The following ZDHHC11B variants were observed in gnomAD, a reference collection of about 807,000 sequenced individuals.
ZDHHC11B encodes the protein zDHHC palmitoyltransferase 11B (putative), also known as probable palmitoyltransferase ZDHHC11B.
A neutral mutation model predicts 42.3 loss-of-function variants in ZDHHC11B; 17 were observed. The ratio of observed to expected loss-of-function variants is 0.40; its 90% CI spans 0.27 to 0.60. The LOEUF (loss-of-function observed/expected upper bound fraction) is 0.60. Ranked by LOEUF, ZDHHC11B falls within the 20% of genes least tolerant of loss-of-function variation. The probability of loss-of-function intolerance (pLI) is 0.41; values close to 1 mark genes in which losing one functional copy is unlikely to be tolerated. For missense variants in ZDHHC11B, 262 were observed against 463.2 expected (o/e 0.57, Z 3.99); for synonymous variants, 123 against 193.5 (o/e 0.64, Z 3.02).
chr5:764,139 C>T (rs1734973140), intron 4 of ZDHHC11B, among the ~76,000 whole-genome samples: 2 of 152,012 alleles, frequency 1.3e-5, no homozygotes, highest in East Asian at 1.9e-4. Context: ...CAGCGATACA[C>T]ACCACGCTCA....
Position 716,800 on chromosome 5 carries a change from C to G in ZDHHC11B, c.*7+1G>C. 1 of 1,613,048 alleles carries G rather than the reference C, an allele frequency of 6.2e-7. No individual in the cohort carries two copies. Among genetic ancestry groups the G allele is most frequent in the Non-Finnish European group, 8.5e-7 (1 of 1,179,546 alleles). ...ATGACCTGCACTGCCACGTATCTTA[C>G]CCGAATCTCAGTCTTCACTTTCAGC... is the stretch of plus-strand genomic sequence containing the variant. On this transcript the variant is annotated splice_donor_variant, in intron 13 of 13. Transcript: ENST00000508859. LOFTEE classifies it low-confidence loss of function (3UTR_SPLICE).
intron 8 of ZDHHC11B, among the ~76,000 whole-genome samples, chr5:746,046 C>T (rs919642705): frequency 6.7e-6 from 1 of 149,854 alleles, no homozygotes; most frequent in Non-Finnish European, 1.5e-5. Flanking sequence ...GGCAGCAAAG[C>T]AGCCCAGGGA....
chr5:778,660 A>G (rs1177371298), intron 1 of ZDHHC11B, among the ~76,000 whole-genome samples: 1 of 152,136 alleles, frequency 6.6e-6, no homozygotes, highest in Non-Finnish European at 1.5e-5. Flanking sequence ...GCCCCATCTA[A>G]TCCCCAGAAC....
chr5:721,831 C>T (rs1048352838), intron 12 of ZDHHC11B, among the ~76,000 whole-genome samples: 4 of 151,706 alleles, frequency 2.6e-5, no homozygotes, highest in African/African-American at 7.3e-5. Flanking sequence ...ACTTATTAAG[C>T]TATGGGAAGT....
At chr5:730,397 G>C in intron 12 of ZDHHC11B, 37 bp downstream of exon 12, 2 of 1,573,038 alleles carry the variant, frequency 1.3e-6, no homozygotes, top group Non-Finnish European at 1.7e-6. Context: ...CAAGTGTACA[G>C]ACAGATAAAA....
At chr5:737,503 G>A (rs1743669544) in intron 10 of ZDHHC11B, among the ~76,000 whole-genome samples, 1 of 149,022 alleles carries the variant, frequency 6.7e-6, no homozygotes, top group African/African-American at 2.5e-5. Flanking sequence ...AGCAAAAAGA[G>A]AAAACTACAG....
intron 1 of ZDHHC11B, among the ~76,000 whole-genome samples, chr5:773,566 C>T (rs1353783156): frequency 3.6e-4 from 54 of 151,956 alleles, no homozygotes; most frequent in South Asian, 8.3e-4. Context: ...TCAGCTGTGC[C>T]CTGTACTCCC....
At position 746,766 on chromosome 5, in the gene ZDHHC11B, T is replaced by C. The variant is rs1744889743; in HGVS notation, c.785-1468A>G. On this transcript the variant is annotated intron_variant, in intron 8 of 13. Coordinates refer to ENST00000508859, the MANE Select transcript of ZDHHC11B (RefSeq NM_001351303.2). ...AAGGAGCCTGCAGCCCCCCACGTGC[T>C]CAGCACACAGTGGGCATTGACTATT... Among the ~76,000 whole-genome samples, 4 of 149,678 alleles carry C rather than the reference T, an allele frequency of 2.7e-5. 1 individual carries two copies. The South Asian group carries it at 9.0e-4, about 34-fold the overall frequency.
chr5:777,950 G>C (rs1292898986), intron 1 of ZDHHC11B, among the ~76,000 whole-genome samples: 3 of 151,876 alleles, frequency 2.0e-5, no homozygotes, highest in Non-Finnish European at 4.4e-5. Context: ...CGGTCGGCGG[G>C]TCCCGAGCCC....
At chr5:776,266 AC>A (rs1156752395) in intron 1 of ZDHHC11B, among the ~76,000 whole-genome samples, 3 of 151,740 alleles carry the variant, frequency 2.0e-5, no homozygotes, top group Non-Finnish European at 4.4e-5. Flanking sequence ...GGCCTGATGG[AC>A]CCTCCAATGT....
At chr5:765,190 G>C (rs1301489570) in intron 4 of ZDHHC11B, among the ~76,000 whole-genome samples, 1 of 150,668 alleles carries the variant, frequency 6.6e-6, no homozygotes, top group Non-Finnish European at 1.5e-5. Context: ...AATCTGGTGG[G>C]GACTTGGAGA....
Position 733,858 on chromosome 5 carries a change from G to A in ZDHHC11B, c.936-19C>T. 14 of 1,596,426 alleles carry A rather than the reference G, an allele frequency of 8.8e-6. 1 individual carries two copies. The highest frequency in any genetic ancestry group is 1.7e-5 in the Admixed American group (1 of 59,546). On this transcript the variant is annotated intron_variant, in intron 10 of 13. Transcript: ENST00000508859. ...CTTGACTCTGGTGGGACAGGAAGGAGGAGAGAAACTCATCTCAGCTTTGTG... is the reference window on the plus strand; with the variant it reads ...CTTGACTCTGGTGGGACAGGAAGGAAGAGAGAAACTCATCTCAGCTTTGTG...
At chr5:721,594 G>T (rs1302011681) in intron 12 of ZDHHC11B, among the ~76,000 whole-genome samples, 1 of 151,484 alleles carries the variant, frequency 6.6e-6, no homozygotes, top group Non-Finnish European at 1.5e-5. Flanking sequence ...AAGCACAAGG[G>T]TGGTAGCTAA....
chr5:724,371 A>ATTTTTCT, intron 12 of ZDHHC11B, among the ~76,000 whole-genome samples: 1 of 81,418 alleles, frequency 1.2e-5, no homozygotes, highest in Non-Finnish European at 2.3e-5. Context: ...AACCCAGCTA[A>ATTTTTCT]TTTTTTTTTT....
At chr5:721,687 A>G (rs1318716492) in intron 12 of ZDHHC11B, among the ~76,000 whole-genome samples, 1 of 151,732 alleles carries the variant, frequency 6.6e-6, no homozygotes, top group East Asian at 1.9e-4. Context: ...GAAGGGTCTG[A>G]CGTCAGGACA....
At chr5:746,786 A>C (rs1365818082) in intron 8 of ZDHHC11B, among the ~76,000 whole-genome samples, 1 of 149,302 alleles carries the variant, frequency 6.7e-6, no homozygotes, top group African/African-American at 2.4e-5. Flanking sequence ...GTGGGCATTG[A>C]CTATTTTAAC....
Position 711,703 on chromosome 5 carries a change from G to C in ZDHHC11B, c.*587C>G, listed in dbSNP as rs1741388349. On this transcript the variant is annotated 3_prime_UTR_variant, in exon 14 of 14. Coordinates refer to ENST00000508859, the MANE Select transcript of ZDHHC11B (RefSeq NM_001351303.2). The stretch of plus-strand genomic sequence containing the variant: ...GTGCTCCTATTCCCCAGTACTCTGT[G>C]CTCCCATTTCCCAGTACTTTGTGCT... The C allele has an allele frequency of 6.5e-6, 1 of 153,030 alleles. No individual in the cohort carries two copies. The highest frequency in any genetic ancestry group is 2.1e-4 in the South Asian group (1 of 4,764). The allele number at this position is 153,030 out of a possible 1,614,324, so 9.5% of individuals were successfully genotyped here.
At chr5:729,350 A>G (rs440700) in intron 12 of ZDHHC11B, among the ~76,000 whole-genome samples, 11,817 of 123,884 alleles carry the variant, frequency 0.095, 520 homozygotes, top group East Asian at 0.34. Flanking sequence ...CAGAGGTCCT[A>G]GGCCAGGACG....
chr5:747,975 T>C (rs1398197480), intron 8 of ZDHHC11B: 71 of 377,398 alleles, frequency 1.9e-4, no homozygotes, highest in Non-Finnish European at 3.1e-4. Flanking sequence ...GTTGTTTGGT[T>C]AGTGGGTGAT....
Sources: allele counts gnomAD v4.1 joint callset (sites outside exome capture counted in the v4.1 genomes callset), GRCh38; gene constraint gnomAD v4.1.1; transcripts MANE v1.5; gene names NCBI Gene and HGNC (gene_info 2026-07-23, HGNC 2026-07-21).